Variants in CCDC85A observed in about 807,000 individuals in gnomAD.
The protein encoded by CCDC85A is coiled-coil domain containing 85A.
A neutral mutation model predicts 50.2 loss-of-function variants in CCDC85A; 38 were observed. The observed-to-expected ratio is 0.76, with a 90% CI of 0.58 to 0.99. The LOEUF (loss-of-function observed/expected upper bound fraction) is 0.99, where lower values mean the gene tolerates loss of function less well. Ranked by LOEUF, CCDC85A falls within the 50% of genes least tolerant of loss-of-function variation. CCDC85A has a pLI of 0.00. For synonymous variants in CCDC85A, 366 were observed against 301.4 expected (o/e 1.21, Z -2.22); for missense variants, 820 against 742.0 (o/e 1.11, Z -1.22).
At chr2:56,292,085 T>G (rs540423474) in intron 2 of CCDC85A, among the ~76,000 whole-genome samples, 1 of 152,104 alleles carries the variant, frequency 6.6e-6, no homozygotes, top group African/African-American at 2.4e-5. Context: ...TAATTTTCTT[T>G]TCGTTTTTTC....
intron 2 of CCDC85A, among the ~76,000 whole-genome samples, chr2:56,240,149 A>G (rs557743782): frequency 8.9e-4 from 135 of 152,276 alleles, no homozygotes; most frequent in African/African-American, 3.2e-3. Flanking sequence ...GAGACATCAT[A>G]CCTATTAGTA....
chr2:56,222,989 G>A (rs188172508), intron 2 of CCDC85A, among the ~76,000 whole-genome samples: 61 of 152,154 alleles, frequency 4.0e-4, no homozygotes, highest in Non-Finnish European at 7.4e-5. Context: ...GATTTATCAT[G>A]TTGATTCCAA....
intron 2 of CCDC85A, among the ~76,000 whole-genome samples, chr2:56,269,355 G>C (rs1399017752): frequency 6.6e-6 from 1 of 151,994 alleles, no homozygotes; most frequent in Non-Finnish European, 1.5e-5. Context: ...GTGTGTGTGT[G>C]TGTGTGTTTG....
intron 2 of CCDC85A, among the ~76,000 whole-genome samples, chr2:56,242,344 G>A (rs760177086): frequency 6.6e-6 from 1 of 152,084 alleles, no homozygotes; most frequent in African/African-American, 2.4e-5. Context: ...GGCTTTACAG[G>A]AAGCATTGTG....
chr2:56,326,638 G>T (rs1025131542), intron 2 of CCDC85A, among the ~76,000 whole-genome samples: 1 of 151,982 alleles, frequency 6.6e-6, no homozygotes, highest in Non-Finnish European at 1.5e-5. Context: ...GGACTCTTGA[G>T]ATTTATTTCT....
intron 2 of CCDC85A, among the ~76,000 whole-genome samples, chr2:56,224,516 T>C (rs1005320553): frequency 2.0e-5 from 3 of 152,166 alleles, no homozygotes; most frequent in African/African-American, 7.2e-5. Context: ...ATGTGTAACA[T>C]TTTGAGAACC....
At chr2:56,252,478 C>T (rs2103996339) in intron 2 of CCDC85A, among the ~76,000 whole-genome samples, 1 of 152,224 alleles carries the variant, frequency 6.6e-6, no homozygotes, top group East Asian at 1.9e-4. Flanking sequence ...CGTAAAATTG[C>T]AGCTGTGAAA....
chr2:56,266,675 T>G (rs1460749657), intron 2 of CCDC85A, among the ~76,000 whole-genome samples: 2 of 148,954 alleles, frequency 1.3e-5, no homozygotes, highest in Non-Finnish European at 3.0e-5. Context: ...ATTTCTGGTT[T>G]ATGGTTTTAA....
At chr2:56,229,151 A>G (rs1443838395) in intron 2 of CCDC85A, among the ~76,000 whole-genome samples, 1 of 152,138 alleles carries the variant, frequency 6.6e-6, no homozygotes, top group Admixed American at 6.5e-5. Flanking sequence ...AAAGTTTAGG[A>G]CCTAGTCCCT....
chr2:56,244,062 C>T (rs1191454917), intron 2 of CCDC85A, among the ~76,000 whole-genome samples: 2 of 152,176 alleles, frequency 1.3e-5, no homozygotes, highest in African/African-American at 4.8e-5. Flanking sequence ...CCCACTATAA[C>T]CACTACCTGT....
intron 2 of CCDC85A, among the ~76,000 whole-genome samples, chr2:56,271,596 T>C (rs563404658): frequency 6.6e-6 from 1 of 152,188 alleles, no homozygotes; most frequent in Non-Finnish European, 1.5e-5. Context: ...TTAGGTCATT[T>C]TGGCTTTTTT....
intron 2 of CCDC85A, among the ~76,000 whole-genome samples, chr2:56,307,081 A>G (rs1672479132): frequency 6.6e-6 from 1 of 152,168 alleles, no homozygotes; most frequent in African/African-American, 2.4e-5. Context: ...TACAGCCCAA[A>G]TCAGAAAAAT....
intron 2 of CCDC85A, among the ~76,000 whole-genome samples, chr2:56,259,935 G>T (rs1334538032): frequency 6.6e-6 from 1 of 152,160 alleles, no homozygotes; most frequent in African/African-American, 2.4e-5. Context: ...CCAAACTCAA[G>T]TGGGGCCTTT....
At position 56,295,851 on chromosome 2, in the gene CCDC85A, G is replaced by C. The variant is rs147193164; in HGVS notation, c.1241-47028G>C. 4.8e-3 allele frequency among the ~76,000 whole-genome samples: 733 copies of C among 152,334 alleles called. 7 individuals are homozygous for C. The highest frequency in any genetic ancestry group is 0.02 in the Middle Eastern group (6 of 294). Reference sequence around the variant, plus strand: ...CTTCAGGCAAAGGCCAGGTGAGAAGGTGAGTTGCAGAGCCACCAGTATCAC... The same window carrying C: ...CTTCAGGCAAAGGCCAGGTGAGAAGCTGAGTTGCAGAGCCACCAGTATCAC... On this transcript the variant is annotated intron_variant, in intron 2 of 5. Coordinates refer to ENST00000407595, the MANE Select transcript of CCDC85A (RefSeq NM_001080433.2).
chr2:56,322,498 A>G (rs752591254), intron 2 of CCDC85A, among the ~76,000 whole-genome samples: 35 of 152,112 alleles, frequency 2.3e-4, no homozygotes, highest in Non-Finnish European at 2.9e-4. Flanking sequence ...TGAACAGACA[A>G]TTCTCAAAAG....
At chr2:56,215,835 C>T (rs1176121662) in intron 2 of CCDC85A, among the ~76,000 whole-genome samples, 1 of 151,792 alleles carries the variant, frequency 6.6e-6, no homozygotes. Flanking sequence ...CCTGTTTTTA[C>T]ATGACTTGTA....
At chr2:56,212,683 C>T (rs138256025) in intron 2 of CCDC85A, among the ~76,000 whole-genome samples, 87 of 152,070 alleles carry the variant, frequency 5.7e-4, no homozygotes, top group African/African-American at 1.1e-3. Flanking sequence ...TGTGTGTACC[C>T]GCACTGGTGA....
At chr2:56,272,274 TA>T (rs922599211) in intron 2 of CCDC85A, among the ~76,000 whole-genome samples, 17 of 147,426 alleles carry the variant, frequency 1.2e-4, no homozygotes, top group East Asian at 5.9e-4. Flanking sequence ...GTAACCAACT[TA>T]AAAAAAAAAC....
At chr2:56,264,054 G>A (rs576334852) in intron 2 of CCDC85A, among the ~76,000 whole-genome samples, 2 of 152,256 alleles carry the variant, frequency 1.3e-5, no homozygotes, top group Admixed American at 6.5e-5. Context: ...GGAAGTTTAC[G>A]AATTTGTGTT....
Sources: gnomAD v4.1 joint callset for allele counts (sites outside exome capture counted in the v4.1 genomes callset) on GRCh38, gnomAD v4.1.1 for gene constraint, MANE v1.5 for transcripts, NCBI Gene and HGNC (gene_info 2026-07-23, HGNC 2026-07-21) for gene names.